ZNF33A: variants seen among roughly 807,000 people sequenced by gnomAD.
ZNF33A encodes zinc finger protein 33A.
A neutral mutation model predicts 15.9 loss-of-function variants in ZNF33A; 9 were observed. The observed-to-expected ratio is 0.57, with a 90% CI of 0.34 to 0.99. The LOEUF is 0.99. Ranked by LOEUF, ZNF33A falls within the 50% of genes least tolerant of loss-of-function variation. The pLI is 0.02. For synonymous variants in ZNF33A, 294 were observed against 324.2 expected, an observed-to-expected ratio of 0.91 and a Z score of 1.00; for missense variants, 843 against 941.6, an observed-to-expected ratio of 0.90 and a Z score of 1.37.
In ZNF33A at chr10:38,054,638, G is replaced by A; in HGVS notation, c.514G>A (p.Ala172Thr). 1.2e-6 allele frequency: 2 copies of A among 1,612,806 alleles called. No individual in the cohort carries two copies. The highest frequency in any genetic ancestry group is 1.7e-6 in the Non-Finnish European group (2 of 1,179,710). Residue 172 changes from alanine (A) to threonine (T), a missense_variant, in exon 5 of 5, where the codon GCC (alanine) becomes ACC (threonine). Transcript: ENST00000432900. Reference protein sequence around the residue: ...YLGKKSDEFNACGKLLLNIKH... With the variant: ...YLGKKSDEFNTCGKLLLNIKH... ...AGGAAAAAAGTCTGATGAATTTAAT[G>A]CCTGTGGGAAATTGTTACTCAATAT...
At chr10:38,062,219 A>C (rs1290089067), downstream of ZNF33A, among the ~76,000 whole-genome samples, 3 of 152,116 alleles carry the variant, frequency 2.0e-5, no homozygotes, top group Non-Finnish European at 4.4e-5. Flanking sequence ...CCCTCACCGG[A>C]TACTCACCTT....
intron 4 of ZNF33A, among the ~76,000 whole-genome samples, chr10:38,034,731 C>T (rs1286483790): frequency 6.6e-6 from 1 of 152,164 alleles, no homozygotes; most frequent in African/African-American, 2.4e-5. Context: ...CTTTCTGTCA[C>T]TACAAGATGG....
chr10:38,042,822 G>A (rs1309767494), intron 4 of ZNF33A, among the ~76,000 whole-genome samples: 2 of 152,060 alleles, frequency 1.3e-5, no homozygotes, highest in Non-Finnish European at 2.9e-5. Context: ...CAAAGTGTTG[G>A]GATTACTGGC....
downstream of ZNF33A, among the ~76,000 whole-genome samples, chr10:38,067,627 CT>C (rs3842227): frequency 8.5e-5 from 13 of 152,200 alleles, no homozygotes; most frequent in East Asian, 2.5e-3. Context: ...TGTGTTTGTA[CT>C]TTTTGGATAC....
rs192807226 is a variant in ZNF33A, at chr10:38,047,557, C to T, written c.251-6818C>T. Among the ~76,000 whole-genome samples the T allele has an allele frequency of 2.2e-3, 281 of 128,936 alleles. 4 individuals are homozygous for T. In the East Asian group the frequency reaches 0.042, roughly 19 times the overall value. The allele number at this position is 128,936 out of a possible 152,430, so 84.6% of individuals were successfully genotyped here. On this transcript the variant is annotated intron_variant, in intron 4 of 4. Transcript: ENST00000432900. Reference sequence around the variant, plus strand: ...CAGGAGAATCATTGAACATGGGAGGCGGAGGTTGCAGTGAGCCGAGATTGC... The same window carrying T: ...CAGGAGAATCATTGAACATGGGAGGTGGAGGTTGCAGTGAGCCGAGATTGC...
chr10:38,019,380 T>G (rs2064628146), intron 4 of ZNF33A, among the ~76,000 whole-genome samples: 2 of 152,220 alleles, frequency 1.3e-5, no homozygotes, highest in African/African-American at 4.8e-5. Flanking sequence ...TAATCCAGTC[T>G]ATTGTTGTTG....
intron 4 of ZNF33A, among the ~76,000 whole-genome samples, chr10:38,034,905 A>C (rs2065373031): frequency 6.6e-6 from 1 of 152,148 alleles, no homozygotes; most frequent in South Asian, 2.1e-4. Flanking sequence ...AGGGAAATAC[A>C]CGTGTATAAA....
At chr10:38,066,618 C>A (rs1162877297), downstream of ZNF33A, among the ~76,000 whole-genome samples, 3 of 151,972 alleles carry the variant, frequency 2.0e-5, no homozygotes, top group Non-Finnish European at 2.9e-5. Flanking sequence ...TTAAACTCTC[C>A]AGTGTGTAAA....
In ZNF33A at chr10:38,054,803, A is replaced by G. The variant is rs1207286859; in HGVS notation, c.679A>G (p.Thr227Ala). ...TTTTGAATACAGTATATGTCAGGAA[A>G]CCCTCCTTGAAAAGGCAGTATTCAA... is the stretch of plus-strand genomic sequence containing the variant. ...HNFEYSICQETLLEKAVFNTQ... is the reference protein window; with the variant it reads ...HNFEYSICQEALLEKAVFNTQ... The change falls in exon 5 of 5, where the codon ACC becomes GCC. Residue 227 changes from threonine (T) to alanine (A), a missense_variant. Coordinates refer to ENST00000432900, the MANE Select transcript of ZNF33A (RefSeq NM_006954.2). The G allele has an allele frequency of 1.2e-6, 2 of 1,613,392 alleles. No individual in the cohort carries two copies. Among genetic ancestry groups the G allele is most frequent in the Admixed American group, 1.7e-5 (1 of 59,974 alleles).
chr10:38,051,014 CAT>C, intron 4 of ZNF33A, among the ~76,000 whole-genome samples: 1 of 151,932 alleles, frequency 6.6e-6, no homozygotes, highest in Non-Finnish European at 1.5e-5. Flanking sequence ...ACATGATTTT[CAT>C]ATAAAATTTT....
intron 4 of ZNF33A, among the ~76,000 whole-genome samples, chr10:38,047,189 C>G (rs1465202457): frequency 2.8e-4 from 1 of 3,584 alleles, no homozygotes; most frequent in Non-Finnish European, 5.4e-4. Flanking sequence ...CCCACCCCTG[C>G]CAAAAAAAAA....
chr10:38,016,240 GTAAATATAAA>G (rs1336937967), intron 2 of ZNF33A, among the ~76,000 whole-genome samples: 1 of 152,190 alleles, frequency 6.6e-6, no homozygotes, highest in African/African-American at 2.4e-5. Context: ...TCTGTGATTT[GTAAATATAAA>G]TCTGTAGTTC....
rs2472166 is a variant in ZNF33A, at chr10:38,058,922, G to A, written c.*2362G>A. 1 of 152,126 alleles carries A rather than the reference G, an allele frequency of 6.6e-6. No homozygotes were observed. Among genetic ancestry groups the A allele is most frequent in the Admixed American group, 6.5e-5 (1 of 15,270 alleles). The allele number at this position is 152,126 out of a possible 1,614,324, so 9.4% of individuals were successfully genotyped here. ...GAGATAACACTTCCCAACTCATTTT[G>A]TGAGGCCAGTATTACCCTAATAGCA... On this transcript the variant is annotated 3_prime_UTR_variant, in exon 5 of 5. Transcript: ENST00000432900.
intron 4 of ZNF33A, among the ~76,000 whole-genome samples, chr10:38,021,571 C>T (rs1024362660): frequency 1.3e-5 from 2 of 151,800 alleles, no homozygotes; most frequent in African/African-American, 4.8e-5. Context: ...AACTGGGAGG[C>T]GAAGGTTGCA....
rs2066542548 is a variant in ZNF33A, at chr10:38,057,689, T to C, written c.*1129T>C. The C allele has an allele frequency of 8.1e-6, 8 of 985,090 alleles. No individual in the cohort carries two copies. Among genetic ancestry groups the C allele is most frequent in the Non-Finnish European group, 9.6e-6 (8 of 829,880 alleles). 61.0% of individuals were successfully genotyped at this position (985,090 alleles called of 1,614,324 possible). ...AGATCTAGGCTCGCCTCCATGTTAC[T>C]CCCTTTCTCTTCCTACCTGTGGCTC... On this transcript the variant is annotated 3_prime_UTR_variant, in exon 5 of 5. Coordinates refer to ENST00000432900, the MANE Select transcript of ZNF33A (RefSeq NM_006954.2).
intron 4 of ZNF33A, among the ~76,000 whole-genome samples, chr10:38,022,660 A>AAG (rs2064805476): frequency 6.8e-6 from 1 of 147,870 alleles, no homozygotes; most frequent in South Asian, 2.1e-4. Flanking sequence ...TCTGTCTCAA[A>AAG]AAAAAAAAAA....
chr10:38,012,150 C>T (rs889489989), intron 1 of ZNF33A, 148 bp from the exon 2 acceptor site: 5 of 630,792 alleles, frequency 7.9e-6, no homozygotes, highest in African/African-American at 3.7e-5. Flanking sequence ...ATTTCTACCC[C>T]CTATTCCAAA....
In ZNF33A at chr10:38,058,159, C is replaced by A; in HGVS notation, c.*1599C>A. 9.7e-6 allele frequency: 7 copies of A among 721,588 alleles called. No individual in the cohort carries two copies. The highest frequency in any genetic ancestry group is 1.2e-5 in the Non-Finnish European group (7 of 589,228). The allele number at this position is 721,588 out of a possible 1,614,324, so 44.7% of individuals were successfully genotyped here. On this transcript the variant is annotated 3_prime_UTR_variant, in exon 5 of 5. Transcript: ENST00000432900. ...CCTGAAAAAACATTAGAGTAAAAATCATTGAAATTGAAAAGAGAAAATCGA... is the reference window on the plus strand; with the variant it reads ...CCTGAAAAAACATTAGAGTAAAAATAATTGAAATTGAAAAGAGAAAATCGA...
chr10:38,044,186 C>T (rs2065844707), intron 4 of ZNF33A, among the ~76,000 whole-genome samples: 1 of 150,772 alleles, frequency 6.6e-6, no homozygotes, highest in Non-Finnish European at 1.5e-5. Flanking sequence ...TTGCCAGCTA[C>T]AACCTTTCTT....
Sources: gnomAD v4.1 joint callset for allele counts (sites outside exome capture counted in the v4.1 genomes callset) on GRCh38, gnomAD v4.1.1 for gene constraint, MANE v1.5 for transcripts, NCBI Gene and HGNC (gene_info 2026-07-23, HGNC 2026-07-21) for gene names.